Variants in IQCB1 observed in about 807,000 individuals in gnomAD.
IQCB1 encodes the protein IQ calmodulin-binding motif-containing protein 1.
IQCB1 carries 56 observed loss-of-function variants against 84.4 expected under a neutral mutation model. That is an observed-to-expected ratio of 0.66 (90% CI 0.54 to 0.83). The LOEUF is 0.83. Ranked by LOEUF, IQCB1 falls within the 40% of genes least tolerant of loss-of-function variation. The pLI is 0.00. For synonymous variants in IQCB1, 210 were observed against 234.8 expected, an observed-to-expected ratio of 0.89 and a Z score of 0.96; for missense variants, 629 against 682.1, an observed-to-expected ratio of 0.92 and a Z score of 0.87.
Position 121,788,345 on chromosome 3 carries a change from T to G in IQCB1, c.1217A>C (p.Asn406Thr), listed in dbSNP as rs746246965. The G allele has an allele frequency of 6.2e-7, 1 of 1,613,786 alleles. No individual in the cohort carries two copies. Among genetic ancestry groups the G allele is most frequent in the Non-Finnish European group, 8.5e-7 (1 of 1,179,862 alleles). Reference protein sequence around the residue: ...KHWRGYRERKNFHQQRQSLIE... With the variant: ...KHWRGYRERKTFHQQRQSLIE... ...GAGAGACTGCCTCTGTTGGTGAAAA[T>G]TTTTCCTTTCCCTGTACCCTCTCCA... Residue 406 changes from asparagine to threonine, a missense_variant, in exon 12 of 15, where the codon AAT becomes ACT. Coordinates refer to ENST00000310864, the MANE Select transcript of IQCB1 (RefSeq NM_001023570.4).
At position 121,790,178 on chromosome 3, in the gene IQCB1, G is replaced by A; in HGVS notation, c.1024C>T (p.Gln342Ter). ...RSKMLLEINR[Q>*]KEEEDLKLQL... Reference sequence around the variant, plus strand: ...AATTTGAGGTCCTCTTCTTCCTTCTGCCTATTTATCTCCAGCAACATCTTT... The same window carrying A: ...AATTTGAGGTCCTCTTCTTCCTTCTACCTATTTATCTCCAGCAACATCTTT... The change falls in exon 11 of 15, where the codon CAG (glutamine) becomes TAG (stop). Residue 342 changes from glutamine to a stop codon, truncating the protein, a stop_gained. Coordinates refer to ENST00000310864, the MANE Select transcript of IQCB1 (RefSeq NM_001023570.4). LOFTEE classifies it high-confidence loss of function. 6.2e-7 allele frequency: 1 copy of A among 1,613,276 alleles called. No homozygotes were observed. Among genetic ancestry groups the A allele is most frequent in the East Asian group, 2.2e-5 (1 of 44,842 alleles).
At chr3:121,818,262 G>C (rs1181717659) in intron 5 of IQCB1, among the ~76,000 whole-genome samples, 1 of 152,174 alleles carries the variant, frequency 6.6e-6, no homozygotes, top group Non-Finnish European at 1.5e-5. Flanking sequence ...AACCTCTGCT[G>C]TCAAAAGGTA....
At chr3:121,795,294 T>G (rs1949133995) in intron 10 of IQCB1, among the ~76,000 whole-genome samples, 163 bp downstream of exon 10, 1 of 151,960 alleles carries the variant, frequency 6.6e-6, no homozygotes, top group East Asian at 1.9e-4. Flanking sequence ...GCTTTGAAAG[T>G]GCATCTGGTT....
At chr3:121,778,925 C>T (rs1158744396) in intron 13 of IQCB1, among the ~76,000 whole-genome samples, 1 of 150,554 alleles carries the variant, frequency 6.6e-6, no homozygotes, top group Non-Finnish European at 1.5e-5. Context: ...AAGGTATCTT[C>T]TTGCTTGCAC....
intron 10 of IQCB1, among the ~76,000 whole-genome samples, chr3:121,793,840 C>T (rs1001176767): frequency 6.6e-6 from 1 of 151,974 alleles, no homozygotes; most frequent in Non-Finnish European, 1.5e-5. Context: ...ATCTGTAATC[C>T]TGGGCTACTT....
chr3:121,790,515 T>C (rs1948922489), intron 10 of IQCB1, among the ~76,000 whole-genome samples: 1 of 152,176 alleles, frequency 6.6e-6, no homozygotes, highest in African/African-American at 2.4e-5. Flanking sequence ...CAGATATATA[T>C]GTAAAAATTT....
At chr3:121,777,978 C>G (rs1422981547) in intron 13 of IQCB1, among the ~76,000 whole-genome samples, 1 of 151,300 alleles carries the variant, frequency 6.6e-6, no homozygotes, top group Non-Finnish European at 1.5e-5. Flanking sequence ...CATGAACATG[C>G]CTCACTGCAG....
At chr3:121,799,083 T>A in intron 8 of IQCB1, 113 bp downstream of exon 8, 2 of 728,690 alleles carry the variant, frequency 2.7e-6, no homozygotes. Context: ...GTGAGTTTTA[T>A]CTACATAGGT....
intron 6 of IQCB1, among the ~76,000 whole-genome samples, chr3:121,808,637 C>G (rs1001644964): frequency 6.6e-6 from 1 of 151,952 alleles, no homozygotes; most frequent in Non-Finnish European, 1.5e-5. Flanking sequence ...GAATAAACTG[C>G]TCAAATTATC....
chr3:121,810,962 C>T (rs6765726), intron 5 of IQCB1, among the ~76,000 whole-genome samples: 99 of 152,152 alleles, frequency 6.5e-4, no homozygotes, highest in Non-Finnish European at 1.1e-3. Context: ...ATATGCTCTA[C>T]CACTGAGTTA....
intron 5 of IQCB1, among the ~76,000 whole-genome samples, chr3:121,811,248 T>C (rs761482051): frequency 4.6e-5 from 7 of 152,008 alleles, no homozygotes; most frequent in African/African-American, 1.4e-4. Context: ...AGATACTACG[T>C]TTTTCCCATG....
At chr3:121,788,488 C>T in intron 11 of IQCB1, 56 bp from the exon 12 acceptor site, 1 of 1,459,208 alleles carries the variant, frequency 6.9e-7, no homozygotes, top group Non-Finnish European at 9.6e-7. Flanking sequence ...TTCTTAAGTT[C>T]TGGAATCAGG....
At chr3:121,812,874 C>T (rs371465073) in intron 5 of IQCB1, among the ~76,000 whole-genome samples, 1 of 152,126 alleles carries the variant, frequency 6.6e-6, no homozygotes, top group Non-Finnish European at 1.5e-5. Flanking sequence ...ACATCCCCAA[C>T]CTAGCAAGAC....
chr3:121,833,803 A>C, intron 2 of IQCB1: 1 of 152,184 alleles, frequency 6.6e-6, no homozygotes, highest in East Asian at 1.9e-4. Context: ...GAATGATTCT[A>C]TTTAGAAGAG....
chr3:121,780,883 T>TGTGTGTGA (rs34302377), intron 13 of IQCB1, among the ~76,000 whole-genome samples: 2 of 148,784 alleles, frequency 1.3e-5, no homozygotes, highest in Non-Finnish European at 1.5e-5. Flanking sequence ...TGTGTGTGTG[T>TGTGTGTGA]GAGAGAGAGA....
At chr3:121,818,160 A>C (rs954845451) in intron 5 of IQCB1, among the ~76,000 whole-genome samples, 5 of 152,236 alleles carry the variant, frequency 3.3e-5, no homozygotes, top group Admixed American at 2.6e-4. Flanking sequence ...CTGATATAGT[A>C]GTAGGCCCAA....
chr3:121,786,189 A>AGAAAAGAAAAGAAAAGAAAG (rs1948723116), intron 12 of IQCB1, among the ~76,000 whole-genome samples: 1 of 144,944 alleles, frequency 6.9e-6, no homozygotes, highest in African/African-American at 2.6e-5. Context: ...AGAAAAGAAA[A>AGAAAAGAAAAGAAAAGAAAG]GAAAAGAAAA....
intron 7 of IQCB1, among the ~76,000 whole-genome samples, chr3:121,805,776 C>T (rs936352895): frequency 1.1e-4 from 17 of 152,076 alleles, no homozygotes; most frequent in African/African-American, 4.1e-4. Context: ...ATTGGGTATT[C>T]CTTACAATGT....
At chr3:121,829,093 G>T (rs1318653619) in intron 2 of IQCB1, 121 bp from the exon 3 acceptor site, 2 of 673,358 alleles carry the variant, frequency 3.0e-6, no homozygotes, top group Non-Finnish European at 5.3e-6. Flanking sequence ...TTGTTTGAGA[G>T]GCAGAATGTA....
Sources: gnomAD v4.1 joint callset for allele counts (sites outside exome capture counted in the v4.1 genomes callset) on GRCh38, gnomAD v4.1.1 for gene constraint, MANE v1.5 for transcripts, NCBI Gene and HGNC (gene_info 2026-07-23, HGNC 2026-07-21) for gene names.